RNLS: variants seen among roughly 807,000 people sequenced by gnomAD.
RNLS encodes renalase.
In RNLS, 39 loss-of-function variants were observed where a neutral mutation model predicts 39.8. The observed-to-expected ratio is 0.98, with a 90% CI of 0.76 to 1.28. The LOEUF (loss-of-function observed/expected upper bound fraction) is 1.28. Among genes scored for constraint, RNLS ranks in the 50% most tolerant of loss-of-function variants. The probability of loss-of-function intolerance (pLI) is 0.00; values close to 1 mark genes in which losing one functional copy is unlikely to be tolerated. For synonymous variants in RNLS, 147 were observed against 150.7 expected (o/e 0.98, Z 0.18); for missense variants, 410 against 413.3 (o/e 0.99, Z 0.07).
chr10:88,351,055 C>T (rs151266028), intron 5 of RNLS, among the ~76,000 whole-genome samples: 2,693 of 152,240 alleles, frequency 0.018, 55 homozygotes, highest in Middle Eastern at 0.065. Flanking sequence ...TGTTCATATC[C>T]TTCGCCCACT....
intron 4 of RNLS, among the ~76,000 whole-genome samples, chr10:88,393,297 C>T (rs1086837): frequency 0.6 from 89,763 of 150,634 alleles, 26,687 homozygotes; most frequent in Admixed American, 0.65. Context: ...AAAACCCCAT[C>T]GTCTCAGCCC....
intron 5 of RNLS, among the ~76,000 whole-genome samples, chr10:88,344,585 A>G (rs1193488057): frequency 6.6e-6 from 1 of 152,168 alleles, no homozygotes; most frequent in Non-Finnish European, 1.5e-5. Context: ...AACTACTATT[A>G]TGAATACAGT....
At chr10:88,365,352 AG>A (rs1316056761) in intron 4 of RNLS, among the ~76,000 whole-genome samples, 2 of 142,864 alleles carry the variant, frequency 1.4e-5, no homozygotes, top group East Asian at 4.1e-4. Flanking sequence ...AACCAGCCCT[AG>A]GTCCCACATA....
At chr10:88,324,648 G>A (rs1463622406) in intron 5 of RNLS, among the ~76,000 whole-genome samples, 1 of 152,072 alleles carries the variant, frequency 6.6e-6, no homozygotes, top group Admixed American at 6.6e-5. Flanking sequence ...TTTACTAGAA[G>A]CCCAAACGCC....
the RNLS span, among the ~76,000 whole-genome samples, chr10:88,248,451 A>G: frequency 6.6e-6 from 1 of 152,280 alleles, no homozygotes; most frequent in African/African-American, 2.4e-5. Flanking sequence ...GAAAATTAGC[A>G]AGAGTCCAGA....
At chr10:88,355,173 CTT>C (rs1262756146) in intron 5 of RNLS, among the ~76,000 whole-genome samples, 2 of 152,180 alleles carry the variant, frequency 1.3e-5, no homozygotes, top group Non-Finnish European at 2.9e-5. Flanking sequence ...CCTCCTTTAG[CTT>C]GGAGAAGTTT....
At chr10:88,303,049 A>T (rs370534040) in intron 6 of RNLS, among the ~76,000 whole-genome samples, 2 of 152,232 alleles carry the variant, frequency 1.3e-5, no homozygotes, top group East Asian at 3.8e-4. Context: ...GGGCTACTGC[A>T]CACCTGGACT....
At chr10:88,173,147 C>T in the RNLS span, among the ~76,000 whole-genome samples, 17 of 152,042 alleles carry the variant, frequency 1.1e-4, no homozygotes, top group Non-Finnish European at 1.9e-4. Context: ...CATAAGCCAC[C>T]GCGCCCGGCC....
At chr10:88,576,342 T>G (rs1049528136) in intron 3 of RNLS, among the ~76,000 whole-genome samples, 1 of 152,220 alleles carries the variant, frequency 6.6e-6, no homozygotes. Context: ...GCTATAAAGA[T>G]ATCAGAAGTC....
rs117629227 is a variant in RNLS, at chr10:88,337,298, C to T, written c.701-22657G>A. ...TAGTTAGGAGGACCAGATGAGAGAA[C>T]GTCTGTGTGGTGGATGTCAGCTGCT... On this transcript the variant is annotated intron_variant, in intron 5 of 6. Coordinates refer to ENST00000331772, the MANE Select transcript of RNLS (RefSeq NM_001031709.3). Among the ~76,000 whole-genome samples the T allele has an allele frequency of 5.1e-3, 776 of 152,262 alleles. 3 individuals are homozygous for T. The highest frequency in any genetic ancestry group is 0.03 in the South Asian group (144 of 4,820).
At chr10:88,378,750 C>CAAAGT (rs1392347798) in intron 4 of RNLS, among the ~76,000 whole-genome samples, 1 of 152,152 alleles carries the variant, frequency 6.6e-6, no homozygotes, top group Non-Finnish European at 1.5e-5. Flanking sequence ...TTTGTTGAAC[C>CAAAGT]AAAGTATAAA....
chr10:88,519,589 T>TA (rs1846597079), intron 4 of RNLS, among the ~76,000 whole-genome samples: 1 of 151,228 alleles, frequency 6.6e-6, no homozygotes, highest in South Asian at 2.1e-4. Context: ...CCCTACCTAT[T>TA]AAAATGCAGT....
chr10:88,234,422 G>T, the RNLS span, among the ~76,000 whole-genome samples: 1 of 152,100 alleles, frequency 6.6e-6, no homozygotes, highest in East Asian at 1.9e-4. Context: ...AGCTGTCCAA[G>T]GAGCCTTTTC....
intron 4 of RNLS, among the ~76,000 whole-genome samples, chr10:88,366,693 G>GAAAAAAAAAAAAAAA (rs1850136603): frequency 1.1e-5 from 1 of 95,074 alleles, no homozygotes; most frequent in Non-Finnish European, 2.1e-5. Flanking sequence ...AAAAAAAAAG[G>GAAAAAAAAAAAAAAA]AAATCCACAG....
the RNLS span, among the ~76,000 whole-genome samples, chr10:88,212,012 A>G: frequency 6.6e-6 from 1 of 152,172 alleles, no homozygotes; most frequent in Non-Finnish European, 1.5e-5. Context: ...ATCCCCAAAG[A>G]TGTCACATAA....
In RNLS at chr10:88,499,198, C is replaced by T. The variant is rs565957440; in HGVS notation, c.526+73705G>A. ...ATGGCAGTAGCAGCTAGACACTTCA[C>T]CACTCTACTGCTCTGCCCAACACAG... On this transcript the variant is annotated intron_variant, in intron 4 of 6. Coordinates refer to ENST00000331772, the MANE Select transcript of RNLS (RefSeq NM_001031709.3). Among the ~76,000 whole-genome samples, 15 of 152,274 alleles carry T rather than the reference C, an allele frequency of 9.9e-5. No individual in the cohort carries two copies. In the South Asian group the frequency reaches 1.0e-3, roughly 11 times the overall value.
intron 4 of RNLS, among the ~76,000 whole-genome samples, chr10:88,379,980 C>G (rs971234726): frequency 1.2e-4 from 19 of 152,268 alleles, no homozygotes; most frequent in African/African-American, 3.6e-4. Context: ...ACCCCAGACA[C>G]CAAGGCACAG....
chr10:88,259,697 G>T, the RNLS span, among the ~76,000 whole-genome samples: 1 of 152,102 alleles, frequency 6.6e-6, no homozygotes, highest in Non-Finnish European at 1.5e-5. Flanking sequence ...TCAAAATATG[G>T]GCATAAAACT....
At chr10:88,172,827 T>C in the RNLS span, among the ~76,000 whole-genome samples, 1 of 148,814 alleles carries the variant, frequency 6.7e-6, no homozygotes, top group Non-Finnish European at 1.5e-5. Flanking sequence ...TTTAAACTTC[T>C]GTGCATTTTG....
Sources: gnomAD v4.1 joint callset for allele counts (sites outside exome capture counted in the v4.1 genomes callset) on GRCh38, gnomAD v4.1.1 for gene constraint, MANE v1.5 for transcripts, NCBI Gene and HGNC (gene_info 2026-07-23, HGNC 2026-07-21) for gene names.